The following NUMB variants were observed in gnomAD, a reference collection of about 807,000 sequenced individuals.
The protein encoded by NUMB is NUMB endocytic adaptor protein.
A neutral mutation model predicts 59.7 loss-of-function variants in NUMB; 29 were observed. That is an observed-to-expected ratio of 0.49 (90% CI 0.36 to 0.66). NUMB has a LOEUF of 0.66. Ranked by LOEUF, NUMB falls within the 30% of genes least tolerant of loss-of-function variation. NUMB has a pLI of 0.00. For missense variants in NUMB, 723 were observed against 822.0 expected, an observed-to-expected ratio of 0.88 and a Z score of 1.47; for synonymous variants, 288 against 288.2, an observed-to-expected ratio of 1.00 and a Z score of 0.01.
At chr14:73,285,469 A>AT (rs1334964723) in intron 9 of NUMB, 4 of 152,136 alleles carry the variant, frequency 2.6e-5, no homozygotes, top group African/African-American at 4.8e-5. Context: ...AGATAGCATG[A>AT]TTTTTCCCCC....
At chr14:73,374,503 G>A (rs1409279902) in intron 2 of NUMB, among the ~76,000 whole-genome samples, 1 of 152,040 alleles carries the variant, frequency 6.6e-6, no homozygotes, top group Non-Finnish European at 1.5e-5. Flanking sequence ...TCTGGGAATG[G>A]TGGTTCTTTC....
At chr14:73,406,423 C>T (rs1379295421) in intron 2 of NUMB, among the ~76,000 whole-genome samples, 2 of 152,056 alleles carry the variant, frequency 1.3e-5, no homozygotes, top group East Asian at 1.9e-4. Context: ...AGGACATGAA[C>T]TCATCCTTTT....
chr14:73,355,533 G>C (rs1594943889), intron 4 of NUMB, 93 bp downstream of exon 4: 1 of 1,109,264 alleles, frequency 9.0e-7, no homozygotes, highest in East Asian at 2.8e-5. Context: ...TTTTTTGGAA[G>C]ACTCTCTTAA....
At chr14:73,376,499 T>C (rs1199997217) in intron 2 of NUMB, among the ~76,000 whole-genome samples, 1 of 150,336 alleles carries the variant, frequency 6.7e-6, no homozygotes, top group Non-Finnish European at 1.5e-5. Context: ...ATTTTGTGGA[T>C]ACTGACAAAC....
intron 4 of NUMB, among the ~76,000 whole-genome samples, chr14:73,352,459 T>TACAC (rs60134093): frequency 0.021 from 403 of 19,384 alleles, 27 homozygotes; most frequent in Non-Finnish European, 0.027. Flanking sequence ...CACACACACA[T>TACAC]ACACACACAC....
chr14:73,280,686 A>AT (rs397852698), intron 11 of NUMB, among the ~76,000 whole-genome samples: 30,936 of 87,662 alleles, frequency 0.35, 6,225 homozygotes, highest in East Asian at 0.61. Flanking sequence ...TGTTGGTACT[A>AT]TTTTTTTTTT....
chr14:73,371,009 G>C (rs1020367273), intron 2 of NUMB, among the ~76,000 whole-genome samples: 5 of 133,766 alleles, frequency 3.7e-5, no homozygotes, highest in African/African-American at 1.2e-4. Context: ...ATGTTGCCCA[G>C]GCTGATCTTG....
intron 2 of NUMB, among the ~76,000 whole-genome samples, chr14:73,408,136 A>G (rs1896756339): frequency 6.6e-6 from 1 of 152,084 alleles, no homozygotes; most frequent in African/African-American, 2.4e-5. Flanking sequence ...CTGAGGCAGG[A>G]GAATGGCATG....
chr14:73,330,240 C>T (rs569918523), intron 4 of NUMB, among the ~76,000 whole-genome samples: 4 of 151,974 alleles, frequency 2.6e-5, no homozygotes, highest in Non-Finnish European at 4.4e-5. Flanking sequence ...CTGTGTTGCC[C>T]GGGCTGGTCT....
intron 1 of NUMB, among the ~76,000 whole-genome samples, chr14:73,426,523 ACATAGAGGATC>A (rs1897588692): frequency 6.6e-6 from 1 of 152,084 alleles, no homozygotes; most frequent in Non-Finnish European, 1.5e-5. Context: ...CTTGGGCAAC[ACATAGAGGATC>A]CATCTCTACA....
chr14:73,452,490 C>T (rs1884059140), intron 1 of NUMB, among the ~76,000 whole-genome samples: 1 of 152,098 alleles, frequency 6.6e-6, no homozygotes, highest in African/African-American at 2.4e-5. Context: ...ACTGCATACT[C>T]CCTCCACGTC....
rs1555373807 is a variant in NUMB at position 73,352,530 on chromosome 14, G to GGTTT, written c.126+3095_126+3096insAAAC. On this transcript the variant is annotated intron_variant, in intron 4 of 12. Coordinates refer to ENST00000555238, the MANE Select transcript of NUMB (RefSeq NM_001005743.2). ...TATATATATATATATATATATATAT[G>GGTTT]TTTTTTTTTTTTTTTTTTTTTTGAG... is the stretch of plus-strand genomic sequence containing the variant. Among the ~76,000 whole-genome samples, 51 of 20,280 alleles carry GGTTT rather than the reference G, an allele frequency of 2.5e-3. 6 individuals carry two copies. The highest frequency in any genetic ancestry group is 0.013 in the Admixed American group (13 of 1,012). 13.3% of individuals were successfully genotyped at this position (20,280 alleles called of 152,430 possible).
intron 6 of NUMB, among the ~76,000 whole-genome samples, chr14:73,315,448 AC>A (rs1274119504): frequency 6.6e-6 from 1 of 152,126 alleles, no homozygotes; most frequent in Non-Finnish European, 1.5e-5. Context: ...GTGTACAGCC[AC>A]CCCATATATT....
chr14:73,355,336 G>C (rs1352249910), intron 4 of NUMB, among the ~76,000 whole-genome samples: 1 of 151,936 alleles, frequency 6.6e-6, no homozygotes, highest in African/African-American at 2.4e-5. Flanking sequence ...GATAATTTAG[G>C]GTCTTTAGGT....
chr14:73,315,739 G>GGATAT (rs1891052020), intron 6 of NUMB, among the ~76,000 whole-genome samples: 1 of 151,992 alleles, frequency 6.6e-6, no homozygotes, highest in Admixed American at 6.5e-5. Flanking sequence ...CTATTTCCCT[G>GGATAT]TGAATATTGG....
rs1177523009 is a variant in NUMB, at chr14:73,355,641, A to C, written c.111T>G (p.Cys37Trp). The C allele has an allele frequency of 6.2e-7, 1 of 1,613,288 alleles. No individual in the cohort carries two copies. Among genetic ancestry groups the C allele is most frequent in the South Asian group, 1.1e-5 (1 of 90,920 alleles). The change falls in exon 4 of 13, where the codon TGT becomes TGG. Residue 37 changes from cysteine to tryptophan, a missense_variant. Physicochemically the swap from Cys to Trp is radical, Grantham distance 215. Around this residue, in one of 2 missense-constraint regions of NUMB, gnomAD observed 317 missense variants for 436.6 expected, o/e 0.73. Coordinates refer to ENST00000555238, the MANE Select transcript of NUMB (RefSeq NM_001005743.2). ...TDEEGVRTGK[C>W]SFPVKYLGHV... ...CAGCTCTTACCTTAACCGGGAAGCT[A>C]CATTTTCCGGTGCGAACGCCTTCTT...
chr14:73,309,312 GAACC>G (rs1890637029), intron 6 of NUMB, among the ~76,000 whole-genome samples: 1 of 152,084 alleles, frequency 6.6e-6, no homozygotes, highest in Admixed American at 6.5e-5. Context: ...CAAAGACTTG[GAACC>G]AACCCAAATG....
At chr14:73,337,344 A>G (rs1205108127) in intron 4 of NUMB, among the ~76,000 whole-genome samples, 5 of 152,026 alleles carry the variant, frequency 3.3e-5, no homozygotes, top group African/African-American at 1.2e-4. Context: ...TCTACTAAAA[A>G]TACAAAATTA....
At chr14:73,332,473 C>T (rs536374874) in intron 4 of NUMB, among the ~76,000 whole-genome samples, 1 of 151,942 alleles carries the variant, frequency 6.6e-6, no homozygotes, top group East Asian at 2.0e-4. Context: ...AGGCTGGTCT[C>T]GAACTCCTGA....
Sources: gnomAD v4.1 joint callset for allele counts (sites outside exome capture counted in the v4.1 genomes callset) on GRCh38, gnomAD v4.1.1 for gene constraint, gnomAD v4.1.1 regional missense constraint, MANE v1.5 for transcripts, NCBI Gene and HGNC (gene_info 2026-07-23, HGNC 2026-07-21) for gene names.